GALNT8: variants seen among roughly 807,000 people sequenced by gnomAD.
GALNT8 encodes polypeptide N-acetylgalactosaminyltransferase 8, also known as probable polypeptide N-acetylgalactosaminyltransferase 8.
Under a neutral mutation model 62.7 loss-of-function variants are expected in GALNT8, and 66 were observed. The ratio of observed to expected loss-of-function variants is 1.05; its 90% confidence interval spans 0.86 to 1.29. The LOEUF is 1.29. Among genes scored for constraint, GALNT8 ranks in the 50% most tolerant of loss-of-function variants. The pLI, the probability that GALNT8 is intolerant of heterozygous loss-of-function variation, is 0.00. For synonymous variants in GALNT8, 288 were observed against 294.3 expected (o/e 0.98, Z 0.22); for missense variants, 771 against 791.8 (o/e 0.97, Z 0.32).
intron 8 of GALNT8, among the ~76,000 whole-genome samples, chr12:4,763,676 G>T (rs1946383790): frequency 7.8e-6 from 1 of 128,950 alleles, no homozygotes; most frequent in African/African-American, 2.9e-5. Context: ...GGCCTTGTCC[G>T]CCTGAACTCC....
intron 10 of GALNT8, among the ~76,000 whole-genome samples, chr12:4,767,322 G>A (rs569917262): frequency 2.6e-5 from 4 of 152,256 alleles, no homozygotes; most frequent in African/African-American, 9.6e-5. Context: ...AGGGCCTGGG[G>A]TTTGCTGTTT....
Position 4,726,392 on chromosome 12 carries a change from C to G in GALNT8, c.212-140C>G. 1.6e-6 allele frequency: 1 copy of G among 637,024 alleles called. No individual in the cohort carries two copies. Among genetic ancestry groups the G allele is most frequent in the East Asian group, 2.7e-5 (1 of 36,742 alleles). 39.5% of individuals were successfully genotyped at this position (637,024 alleles called of 1,614,324 possible). Reference sequence around the variant, plus strand: ...GCTGGATAAGTTCCCTGACATACTACATCCTCTGTGACAAGAGCTTATAAG... The same window carrying G: ...GCTGGATAAGTTCCCTGACATACTAGATCCTCTGTGACAAGAGCTTATAAG... On this transcript the variant is annotated intron_variant, in intron 1 of 10. Transcript: ENST00000252318. This position sits in a 1 kb window ranked among gnomAD's most constrained non-coding sequence, Gnocchi z 4.1.
intron 2 of GALNT8, among the ~76,000 whole-genome samples, chr12:4,736,294 A>G (rs950829159): frequency 7.2e-5 from 11 of 152,210 alleles, no homozygotes; most frequent in African/African-American, 2.7e-4. Context: ...CTCAGAGGCA[A>G]CTACTAGGAA....
intron 7 of GALNT8, among the ~76,000 whole-genome samples, chr12:4,763,036 G>A (rs928536392): frequency 3.9e-5 from 6 of 152,240 alleles, no homozygotes; most frequent in Non-Finnish European, 8.8e-5. Flanking sequence ...ATGAATGGTT[G>A]AAGTATGGCT....
intron 1 of GALNT8, among the ~76,000 whole-genome samples, chr12:4,723,499 TC>T (rs1946180375): frequency 6.6e-6 from 1 of 152,180 alleles, no homozygotes; most frequent in Non-Finnish European, 1.5e-5. Flanking sequence ...CTCAGCCTCC[TC>T]AAGCCGTAAA....
chr12:4,746,949 C>A (rs1946302607), intron 6 of GALNT8, among the ~76,000 whole-genome samples: 1 of 152,094 alleles, frequency 6.6e-6, no homozygotes, highest in Non-Finnish European at 1.5e-5. Flanking sequence ...TAGTCCTGAC[C>A]AACTTCTGTG....
At chr12:4,753,782 A>C (rs572387053) in intron 6 of GALNT8, among the ~76,000 whole-genome samples, 13 of 152,172 alleles carry the variant, frequency 8.5e-5, no homozygotes, top group Non-Finnish European at 1.3e-4. Flanking sequence ...AGTAAAGACT[A>C]CTTATTGTAG....
Position 4,720,796 on chromosome 12 carries a change from G to T in GALNT8, c.119G>T (p.Gly40Val), listed in dbSNP as rs775335645. ...ACTTTACAAAACCTGTTTACGGGTG[G>T]TCTCCACAGGGAGCTTCCTTTACAT... ...KGTLQNLFTG[G>V]LHRELPLHLN... Residue 40 changes from glycine to valine, a missense_variant, in exon 1 of 11, where the codon GGT becomes GTT. Coordinates refer to ENST00000252318, the MANE Select transcript of GALNT8 (RefSeq NM_017417.2). The T allele has an allele frequency of 6.2e-7, 1 of 1,611,438 alleles. No individual in the cohort carries two copies. Among genetic ancestry groups the T allele is most frequent in the South Asian group, 1.1e-5 (1 of 91,050 alleles).
rs554644531 is a variant in GALNT8, at chr12:4,760,948, T to C, written c.1174-10T>C. ...TGAAGCACGGGTGATTTTTTGGTCT[T>C]CTTCTGCAGGTGTGGCAGTGTGGAG... On this transcript the variant is annotated splice_polypyrimidine_tract_variant and intron_variant, in intron 6 of 10. Transcript: ENST00000252318. 6 of 1,612,456 alleles carry C rather than the reference T, an allele frequency of 3.7e-6. No individual in the cohort carries two copies. In the African/African-American group the frequency reaches 8.0e-5, roughly 22 times the overall value.
chr12:4,723,700 T>A lies in GALNT8; in HGVS notation c.211+2812T>A, dbSNP rs146341523. ...GTGATGTCAGAGACTCACTACCACC[T>A]GAGTTGAACCTCAAAAAGTCTTCTG... On this transcript the variant is annotated intron_variant, in intron 1 of 10. Transcript: ENST00000252318. 2.1e-3 allele frequency among the ~76,000 whole-genome samples: 326 copies of A among 152,020 alleles called. 1 individual carries two copies. The highest frequency in any genetic ancestry group is 7.2e-3 in the African/African-American group (297 of 41,454).
Position 4,726,695 on chromosome 12 carries a change from C to A in GALNT8, c.375C>A (p.Phe125Leu). ...QMKLFPHSQLFRQWGEDLSEA... is the reference protein window; with the variant it reads ...QMKLFPHSQLLRQWGEDLSEA... ...AACTCTTCCCACACTCACAGCTTTT[C>A]AGGCAATGGGGCGAGGATCTTTCTG... is the stretch of plus-strand genomic sequence containing the variant. The change falls in exon 2 of 11, where the codon TTC (phenylalanine) becomes TTA (leucine). Residue 125 changes from phenylalanine (F) to leucine (L), a missense_variant. By Grantham distance (22) the Phe-to-Leu change is conservative. Transcript: ENST00000252318. This position sits in a 1 kb window ranked among gnomAD's most constrained non-coding sequence, Gnocchi z 4.1. 1 of 1,614,096 alleles carries A rather than the reference C, an allele frequency of 6.2e-7. No individual in the cohort carries two copies.
intron 10 of GALNT8, among the ~76,000 whole-genome samples, chr12:4,767,706 G>A (rs564484986): frequency 3.6e-4 from 55 of 152,300 alleles, no homozygotes; most frequent in Non-Finnish European, 7.1e-4. Flanking sequence ...GGCAGACCTA[G>A]GGTGCTAAAT....
chr12:4,767,223 A>G (rs1231024338), intron 10 of GALNT8, among the ~76,000 whole-genome samples: 1 of 152,042 alleles, frequency 6.6e-6, no homozygotes, highest in African/African-American at 2.4e-5. Flanking sequence ...AATTGCTCTC[A>G]GGGGTGCTTT....
intron 6 of GALNT8, among the ~76,000 whole-genome samples, chr12:4,751,111 A>G (rs1294774280): frequency 2.0e-5 from 3 of 152,140 alleles, no homozygotes; most frequent in Non-Finnish European, 2.9e-5. Context: ...TCCTTACACC[A>G]TATACAAAAA....
At chr12:4,764,523 TCA>T (rs869237651) in intron 9 of GALNT8, among the ~76,000 whole-genome samples, 1 of 99,560 alleles carries the variant, frequency 1.0e-5, no homozygotes, top group Admixed American at 1.2e-4. Context: ...GAAGGTGCAG[TCA>T]GGGGATTTTT....
At chr12:4,747,059 TA>T (rs1205194312) in intron 6 of GALNT8, among the ~76,000 whole-genome samples, 1 of 152,172 alleles carries the variant, frequency 6.6e-6, no homozygotes, top group Non-Finnish European at 1.5e-5. Context: ...AACCTAAATT[TA>T]AAACAAATTA....
intron 7 of GALNT8, 29 bp from the exon 8 acceptor site, chr12:4,763,224 C>T (rs1946380503): frequency 6.2e-7 from 1 of 1,600,044 alleles, no homozygotes; most frequent in Non-Finnish European, 8.6e-7. Flanking sequence ...TGAATCAAAG[C>T]ACAGAAACAC....
At chr12:4,758,161 C>G (rs2137539507) in intron 6 of GALNT8, among the ~76,000 whole-genome samples, 1 of 152,098 alleles carries the variant, frequency 6.6e-6, no homozygotes, top group South Asian at 2.1e-4. Context: ...TCAAGCAGTT[C>G]TGCCCATATC....
intron 2 of GALNT8, among the ~76,000 whole-genome samples, chr12:4,733,797 C>T (rs1946231164): frequency 6.6e-6 from 1 of 152,212 alleles, no homozygotes; most frequent in Non-Finnish European, 1.5e-5. Context: ...TCGCCACTTA[C>T]ATGGCAGTGA....
Sources: allele counts gnomAD v4.1 joint callset (sites outside exome capture counted in the v4.1 genomes callset), GRCh38; gene constraint gnomAD v4.1.1; non-coding constraint Gnocchi (gnomAD v3.1); transcripts MANE v1.5; gene names NCBI Gene and HGNC (gene_info 2026-07-23, HGNC 2026-07-21).